Variants in KRI1 observed in about 807,000 individuals in gnomAD.
KRI1 encodes the protein KRI1 homolog.
A neutral mutation model predicts 97.0 loss-of-function variants in KRI1; 83 were observed. The observed-to-expected ratio is 0.86, with a 90% CI of 0.72 to 1.03. KRI1 has a LOEUF of 1.03. KRI1 is among the 50% of genes least tolerant of loss of function. The pLI is 0.00. For missense variants in KRI1, 916 were observed against 928.4 expected (o/e 0.99, Z 0.17); for synonymous variants, 371 against 363.5 (o/e 1.02, Z -0.23).
At chr19:10,563,765 C>G (rs776056696) in intron 3 of KRI1, among the ~76,000 whole-genome samples, 6 of 152,192 alleles carry the variant, frequency 3.9e-5, no homozygotes, top group Non-Finnish European at 7.3e-5. Context: ...TGGGCTTAAG[C>G]AATCCTCCCA....
chr19:10,553,116 T>A lies in KRI1; in HGVS notation c.*835A>T. 6.6e-7 allele frequency: 1 copy of A among 1,523,018 alleles called. No individual in the cohort carries two copies. The highest frequency in any genetic ancestry group is 2.3e-5 in the East Asian group (1 of 42,864). 94.3% of individuals were successfully genotyped at this position (1,523,018 alleles called of 1,614,324 possible). A position where few individuals can be genotyped will look rare whatever the true frequency, so the allele number is the denominator to read the frequency against. On this transcript the variant is annotated 3_prime_UTR_variant, in exon 19 of 19. Coordinates refer to ENST00000312962, the MANE Select transcript of KRI1 (RefSeq NM_023008.5). ...ACAACACTATTTATTTTTTTATTTATGTCATGTCGGGTGTGGGATCTTGAG... is the reference window on the plus strand; with the variant it reads ...ACAACACTATTTATTTTTTTATTTAAGTCATGTCGGGTGTGGGATCTTGAG...
In KRI1 at chr19:10,560,429, C is replaced by A; in HGVS notation, c.683G>T (p.Trp228Leu). 6.2e-7 allele frequency: 1 copy of A among 1,612,912 alleles called. No homozygotes were observed. The highest frequency in any genetic ancestry group is 8.5e-7 in the Non-Finnish European group (1 of 1,179,340). The change falls in exon 9 of 19, where the codon TGG (tryptophan) becomes TTG (leucine). Residue 228 changes from tryptophan to leucine, a missense_variant. Transcript: ENST00000312962. ...CCCTTCATCCAACTCAGGGTCGTTC[C>A]AGTATTCCTTGAGATGCGTCTGGGG... ...LKELTHLKEY[W>L]NDPELDEGER...
rs1172621981 is a variant in KRI1, at chr19:10,565,944, C to G, written c.56G>C (p.Arg19Pro). The change falls in exon 1 of 19, where the codon CGG becomes CCG. Residue 19 changes from arginine to proline, a missense_variant. Arg to Pro is a moderately radical substitution (Grantham distance 103, BLOSUM62 -2). Around this residue, in one of 3 missense-constraint regions of KRI1, gnomAD observed 173 missense variants for 153.1 expected, o/e 1.13. Coordinates refer to ENST00000312962, the MANE Select transcript of KRI1 (RefSeq NM_023008.5). ...CTCGCGCTCCCGGTAGCGGTTGTAC[C>G]GCGCGGCAAACGCCGCGTTCACCCG... ...QLRVNAAFAA[R>P]YNRYREREEL... 4 of 1,530,936 alleles carry G rather than the reference C, an allele frequency of 2.6e-6. No individual in the cohort carries two copies. The highest frequency in any genetic ancestry group is 3.5e-6 in the Non-Finnish European group (4 of 1,140,700). The allele number at this position is 1,530,936 out of a possible 1,614,324, so 94.8% of individuals were successfully genotyped here.
In KRI1 at chr19:10,561,030, A is replaced by G. The variant is rs528109989; in HGVS notation, c.636T>C (p.Ile212=). The G allele has an allele frequency of 6.2e-7, 1 of 1,614,084 alleles. No individual in the cohort carries two copies. Among genetic ancestry groups the G allele is most frequent in the Non-Finnish European group, 8.5e-7 (1 of 1,179,988 alleles). ...YIEWLKGQKE[I]RNPDSLKELT... Reference sequence around the variant, plus strand: ...GTTCCTTCAGGGAATCTGGGTTCCGAATCTCTTTCTGTCCCTTCAGCCACT... The same window carrying G: ...GTTCCTTCAGGGAATCTGGGTTCCGGATCTCTTTCTGTCCCTTCAGCCACT... The change falls in exon 8 of 19, where the codon ATT becomes ATC. Residue 212 remains isoleucine, a synonymous_variant. Coordinates refer to ENST00000312962, the MANE Select transcript of KRI1 (RefSeq NM_023008.5).
Position 10,561,948 on chromosome 19 carries a change from C to T in KRI1, c.384-103G>A, listed in dbSNP as rs927695832. The T allele has an allele frequency of 6.3e-5, 64 of 1,010,200 alleles. No individual in the cohort carries two copies. The African/African-American group carries it at 6.5e-4, about 10-fold the overall frequency. 62.6% of individuals were successfully genotyped at this position (1,010,200 alleles called of 1,614,324 possible). A position where few individuals can be genotyped will look rare whatever the true frequency, so the allele number is the denominator to read the frequency against. ...CCAAGCAACAGCTGGCGGGGGTCAT[C>T]GGAGGGCTATGGAATCACTGAGACT... is the stretch of plus-strand genomic sequence containing the variant. On this transcript the variant is annotated intron_variant, in intron 4 of 18. Coordinates refer to ENST00000312962, the MANE Select transcript of KRI1 (RefSeq NM_023008.5).
chr19:10,557,850 C>T lies in KRI1; in HGVS notation c.1405G>A (p.Glu469Lys), dbSNP rs752487701. The T allele has an allele frequency of 8.6e-5, 139 of 1,613,472 alleles. No individual in the cohort carries two copies. Among genetic ancestry groups the T allele is most frequent in the Middle Eastern group, 1.6e-4 (1 of 6,084 alleles). ...DPSQPRKKKR[E>K]APLTGKKKRK... Reference sequence around the variant, plus strand: ...TTCTTCTTGCCCGTCAAGGGGGCCTCGCGCTTTTTCTTCCTCGGCTGGCTG... The same window carrying T: ...TTCTTCTTGCCCGTCAAGGGGGCCTTGCGCTTTTTCTTCCTCGGCTGGCTG... Residue 469 changes from glutamate (E) to lysine (K), a missense_variant, in exon 15 of 19, where the codon GAG (glutamate) becomes AAG (lysine). Physicochemically the swap from Glu to Lys is moderately conservative, Grantham distance 56 (BLOSUM62 1). Around this residue, in one of 3 missense-constraint regions of KRI1, gnomAD observed 672 missense variants for 667.2 expected, o/e 1.01. Coordinates refer to ENST00000312962, the MANE Select transcript of KRI1 (RefSeq NM_023008.5).
chr19:10,559,984 G>A (rs976134757), intron 9 of KRI1, 48 bp from the exon 10 acceptor site: 20 of 1,595,818 alleles, frequency 1.3e-5, no homozygotes, highest in African/African-American at 4.0e-5. Flanking sequence ...AAGTGAGGTC[G>A]AGCCCCCCTT....
At chr19:10,555,042 C>T (rs1916454546) in intron 18 of KRI1, 45 bp downstream of exon 18, 2 of 1,499,490 alleles carry the variant, frequency 1.3e-6, no homozygotes, top group Non-Finnish European at 1.9e-6. Flanking sequence ...CAAGCCTGGG[C>T]CTGACAGGCT....
intron 5 of KRI1, 37 bp downstream of exon 5, chr19:10,561,754 C>A (rs1232661210): frequency 6.2e-6 from 10 of 1,613,806 alleles, no homozygotes; most frequent in African/African-American, 4.0e-5. Flanking sequence ...CAGCCCCAGG[C>A]CCCTCAGCCC....
chr19:10,554,287 G>A lies in KRI1; in HGVS notation c.1782-6C>T, dbSNP rs755062468. ...CTTCCGCAGGTGTCTCTGCCCTGAG[G>A]GAGAAAAGTCAGGGCTCAGCCCAGG... On this transcript the variant is annotated splice_region_variant and splice_polypyrimidine_tract_variant and intron_variant, in intron 18 of 18. Coordinates refer to ENST00000312962, the MANE Select transcript of KRI1 (RefSeq NM_023008.5). 3 of 1,612,420 alleles carry A rather than the reference G, an allele frequency of 1.9e-6. No homozygotes were observed. Among genetic ancestry groups the A allele is most frequent in the South Asian group, 2.2e-5 (2 of 91,056 alleles).
At chr19:10,558,957 G>A (rs756269329) in intron 12 of KRI1, among the ~76,000 whole-genome samples, 32 of 150,904 alleles carry the variant, frequency 2.1e-4, no homozygotes, top group Non-Finnish European at 4.3e-4. Flanking sequence ...CGCCTGCCTC[G>A]GCCTCCCAAA....
chr19:10,565,812 C>G (rs1916851917), intron 1 of KRI1, 22 bp from the exon 2 acceptor site: 2 of 1,276,456 alleles, frequency 1.6e-6, no homozygotes, highest in Admixed American at 2.5e-5. Context: ...AGACGGGATG[C>G]CCCCCCCCAG....
At position 10,559,594 on chromosome 19, in the gene KRI1, GCT is replaced by G; in HGVS notation, c.1023+17_1023+18del. The G allele has an allele frequency of 1.2e-6, 2 of 1,613,724 alleles. No individual in the cohort carries two copies. The highest frequency in any genetic ancestry group is 1.7e-6 in the Non-Finnish European group (2 of 1,179,922). On this transcript the variant is annotated intron_variant, in intron 11 of 18. Coordinates refer to ENST00000312962, the MANE Select transcript of KRI1 (RefSeq NM_023008.5). Reference sequence around the variant, plus strand: ...CTCCAGGGCTGGGGGGTCCTCCCCAGCTCACCCCCCACACTCACCCTCTTCTT... The same window carrying G: ...CTCCAGGGCTGGGGGGTCCTCCCCAGCACCCCCCACACTCACCCTCTTCTT...
rs3218222 is a variant in KRI1, at chr19:10,566,005, T to G, written c.-6A>C. The G allele has an allele frequency of 1.2e-4, 186 of 1,512,390 alleles. No individual in the cohort carries two copies. The highest frequency in any genetic ancestry group is 2.9e-4 in the East Asian group (11 of 38,352). The allele number at this position is 1,512,390 out of a possible 1,614,324, so 93.7% of individuals were successfully genotyped here. Reference sequence around the variant, plus strand: ...GACCCGCGCGGTTCCGGCATGGCGGTTCTGTGGCCCATTGCGCACGCGCAT... The same window carrying G: ...GACCCGCGCGGTTCCGGCATGGCGGGTCTGTGGCCCATTGCGCACGCGCAT... On this transcript the variant is annotated 5_prime_UTR_variant, in exon 1 of 19. Transcript: ENST00000312962.
chr19:10,554,403 G>T, intron 18 of KRI1, 122 bp from the exon 19 acceptor site: 1 of 823,480 alleles, frequency 1.2e-6, no homozygotes. Flanking sequence ...CACAGCGACC[G>T]AGGGCCTGCC....
In KRI1 at chr19:10,553,928, G is replaced by A. The variant is rs1418496422; in HGVS notation, c.*23C>T. 3.2e-6 allele frequency: 5 copies of A among 1,543,212 alleles called. No individual in the cohort carries two copies. Among genetic ancestry groups the A allele is most frequent in the Non-Finnish European group, 4.4e-6 (5 of 1,144,654 alleles). On this transcript the variant is annotated 3_prime_UTR_variant, in exon 19 of 19. Coordinates refer to ENST00000312962, the MANE Select transcript of KRI1 (RefSeq NM_023008.5). ...GCTTGATTTGAGGAGAGGAGCCTGA[G>A]GCCCCTGCCTGCTCCCTGGTGCTCA...
chr19:10,559,380 G>C lies in KRI1; in HGVS notation c.1173C>G (p.Ala391=). The C allele has an allele frequency of 6.2e-7, 1 of 1,614,056 alleles. No homozygotes were observed. The highest frequency in any genetic ancestry group is 8.5e-7 in the Non-Finnish European group (1 of 1,180,008). ...GCACCTGCATGAGCTGGTCGTGCTG[G>C]GCAGGGTCGAAGTCGTCTTCAAGGT... is the stretch of plus-strand genomic sequence containing the variant. ...EGDLEDDFDP[A]QHDQLMQKCF... The change falls in exon 12 of 19, where the codon GCC becomes GCG. Residue 391 remains alanine, a synonymous_variant. Transcript: ENST00000312962.
chr19:10,559,485 C>G lies in KRI1; in HGVS notation c.1068G>C (p.Leu356=). ...KQEELKQLKN[L]KRKEILAKLE... ...GCTTGGCCAGAATCTCCTTCCTCTT[C>G]AGGTTCTTCAGCTGCTTGAGCTCTT... is the stretch of plus-strand genomic sequence containing the variant. Residue 356 remains leucine, a synonymous_variant, in exon 12 of 19, where the codon CTG becomes CTC. Transcript: ENST00000312962. 6.2e-7 allele frequency: 1 copy of G among 1,614,056 alleles called. No individual in the cohort carries two copies. The highest frequency in any genetic ancestry group is 8.5e-7 in the Non-Finnish European group (1 of 1,180,004).
At chr19:10,559,289 G>A in intron 12 of KRI1, 70 bp downstream of exon 12, 1 of 1,539,114 alleles carries the variant, frequency 6.5e-7, no homozygotes, top group Non-Finnish European at 8.8e-7. Context: ...ACAGGCGTGA[G>A]CCACCGTGGC....
Sources: gnomAD v4.1 joint callset for allele counts (sites outside exome capture counted in the v4.1 genomes callset) on GRCh38, gnomAD v4.1.1 for gene constraint, gnomAD v4.1.1 regional missense constraint, MANE v1.5 for transcripts, NCBI Gene and HGNC (gene_info 2026-07-23, HGNC 2026-07-21) for gene names.